The following GCSAML variants were observed in gnomAD, a reference collection of about 807,000 sequenced individuals.
GCSAML encodes the protein germinal center-associated signaling and motility-like protein.
In GCSAML, 9 loss-of-function variants were observed where a neutral mutation model predicts 13.0. The observed-to-expected ratio is 0.69, with a 90% CI of 0.42 to 1.21. GCSAML has a LOEUF of 1.21. Ranked by LOEUF, GCSAML falls within the 50% of genes most tolerant of loss-of-function variation. The pLI, the probability that GCSAML is intolerant of heterozygous loss-of-function variation, is 0.00. For missense variants in GCSAML, 143 were observed against 153.4 expected (o/e 0.93, Z 0.36); for synonymous variants, 37 against 52.9 (o/e 0.70, Z 1.31).
At chr1:247,544,596 T>C (rs1023076001), upstream of GCSAML, among the ~76,000 whole-genome samples, 1 of 152,132 alleles carries the variant, frequency 6.6e-6, no homozygotes, top group Non-Finnish European at 1.5e-5. Context: ...CCCAGCACTT[T>C]GAGAGGTGGG....
intron 1 of GCSAML, among the ~76,000 whole-genome samples, chr1:247,517,356 G>A (rs759706254): frequency 1.3e-5 from 2 of 152,162 alleles, no homozygotes; most frequent in Non-Finnish European, 2.9e-5. Flanking sequence ...CACAGTGCAA[G>A]GTCGGCACAG....
At chr1:247,508,582 T>C (rs1665907614) in intron 1 of GCSAML, among the ~76,000 whole-genome samples, 1 of 152,228 alleles carries the variant, frequency 6.6e-6, no homozygotes, top group Non-Finnish European at 1.5e-5. Flanking sequence ...ATGAAGTCTT[T>C]GCCCATGCCT....
At chr1:247,555,868 TG>T (rs1667929471) in intron 1 of GCSAML, among the ~76,000 whole-genome samples, 1 of 152,212 alleles carries the variant, frequency 6.6e-6, no homozygotes, top group African/African-American at 2.4e-5. Flanking sequence ...TGATGATAAT[TG>T]ATGGCAAAAC....
chr1:247,571,691 T>C (rs1406383104), intron 4 of GCSAML, among the ~76,000 whole-genome samples: 1 of 152,218 alleles, frequency 6.6e-6, no homozygotes, highest in Non-Finnish European at 1.5e-5. Context: ...GGGTTGCTCT[T>C]CTCAGGAGTA....
chr1:247,571,871 C>G (rs1668626706), intron 4 of GCSAML, among the ~76,000 whole-genome samples: 1 of 152,132 alleles, frequency 6.6e-6, no homozygotes, highest in Admixed American at 6.5e-5. Flanking sequence ...TTCACATAGT[C>G]CCATATTTCT....
chr1:247,535,130 TAGTG>T (rs1444061665), intron 2 of GCSAML, among the ~76,000 whole-genome samples: 1 of 151,826 alleles, frequency 6.6e-6, no homozygotes, highest in Admixed American at 6.6e-5. Context: ...TTGGGCAACA[TAGTG>T]AGAGATTGTC....
upstream of GCSAML, among the ~76,000 whole-genome samples, chr1:247,544,396 A>C (rs561555962): frequency 6.6e-6 from 1 of 152,224 alleles, no homozygotes; most frequent in Non-Finnish European, 1.5e-5. Context: ...TCTGCCCGGC[A>C]GCTGCACGTA....
chr1:247,547,798 A>T (rs1667631036), upstream of GCSAML, among the ~76,000 whole-genome samples: 1 of 152,194 alleles, frequency 6.6e-6, no homozygotes, highest in African/African-American at 2.4e-5. Context: ...TATTGATCCC[A>T]GTTTGAAAGA....
At chr1:247,515,330 G>T (rs1312807421) in intron 1 of GCSAML, among the ~76,000 whole-genome samples, 3 of 152,220 alleles carry the variant, frequency 2.0e-5, no homozygotes, top group South Asian at 2.1e-4. Flanking sequence ...GTTTGTGGTT[G>T]AGACATTGTT....
upstream of GCSAML, among the ~76,000 whole-genome samples, chr1:247,544,463 C>A (rs1185138357): frequency 6.6e-6 from 1 of 152,162 alleles, no homozygotes; most frequent in Non-Finnish European, 1.5e-5. Flanking sequence ...TAAAGAGAAA[C>A]CTTCCATTTA....
intron 2 of GCSAML, among the ~76,000 whole-genome samples, chr1:247,540,707 G>A (rs1328235005): frequency 1.3e-5 from 2 of 152,200 alleles, no homozygotes; most frequent in Admixed American, 1.3e-4. Flanking sequence ...GTGGGGGAGG[G>A]AGGCCTTACT....
chr1:247,549,046 C>G, upstream of GCSAML: 1 of 1,583,604 alleles, frequency 6.3e-7, no homozygotes, highest in South Asian at 1.1e-5. Context: ...CATGCGCAGG[C>G]CCCTGGCAGC....
intron 2 of GCSAML, among the ~76,000 whole-genome samples, chr1:247,534,172 A>G (rs1374996163): frequency 7.9e-5 from 12 of 152,328 alleles, no homozygotes; most frequent in African/African-American, 2.9e-4. Flanking sequence ...TAACAAATAA[A>G]CTACTCTTAT....
chr1:247,510,677 C>T (rs1666004248), intron 1 of GCSAML, among the ~76,000 whole-genome samples: 1 of 152,018 alleles, frequency 6.6e-6, no homozygotes, highest in Admixed American at 6.6e-5. Flanking sequence ...TTAGTTGTGT[C>T]CCAGAGATTC....
At chr1:247,547,355 T>TGA (rs1667618806), upstream of GCSAML, among the ~76,000 whole-genome samples, 1 of 152,130 alleles carries the variant, frequency 6.6e-6, no homozygotes, top group Non-Finnish European at 1.5e-5. Flanking sequence ...ATGGAGAACG[T>TGA]GAGTTCCAGG....
At position 247,563,063 on chromosome 1, in the gene GCSAML, A is replaced by T. The variant is rs143871430; in HGVS notation, c.90-527A>T. Among the ~76,000 whole-genome samples, 390 of 150,566 alleles carry T rather than the reference A, an allele frequency of 2.6e-3. 2 individuals carry two copies. Among genetic ancestry groups the T allele is most frequent in the East Asian group, 8.8e-3 (45 of 5,102 alleles). ...CGGGGTCTCACCGTGTTGGCCAGGAAGGTCTCGATCTCCTAACCTCGTGAT... is the reference window on the plus strand; with the variant it reads ...CGGGGTCTCACCGTGTTGGCCAGGATGGTCTCGATCTCCTAACCTCGTGAT... On this transcript the variant is annotated intron_variant, in intron 2 of 4. Transcript: ENST00000366488.
At chr1:247,544,392 C>T (rs955752867), upstream of GCSAML, among the ~76,000 whole-genome samples, 4 of 152,116 alleles carry the variant, frequency 2.6e-5, no homozygotes, top group African/African-American at 7.2e-5. Flanking sequence ...AGCTTCTGCC[C>T]GGCAGCTGCA....
At chr1:247,550,612 G>A (rs1667744987) in intron 1 of GCSAML, among the ~76,000 whole-genome samples, 1 of 152,078 alleles carries the variant, frequency 6.6e-6, no homozygotes, top group South Asian at 2.1e-4. Flanking sequence ...ACTCCAGCCT[G>A]GGCGACAGAG....
intron 1 of GCSAML, chr1:247,524,870 T>G (rs1666613846): frequency 6.6e-6 from 1 of 151,946 alleles, no homozygotes; most frequent in African/African-American, 2.4e-5. Context: ...GGTAAAACAA[T>G]GAAAATTTAA....
Sources: allele counts gnomAD v4.1 joint callset (sites outside exome capture counted in the v4.1 genomes callset), GRCh38; gene constraint gnomAD v4.1.1; transcripts MANE v1.5; gene names NCBI Gene and HGNC (gene_info 2026-07-23, HGNC 2026-07-21).